Variants in SYNE1 observed in about 807,000 individuals in gnomAD.
SYNE1 encodes the protein nesprin-1.
SYNE1 carries 616 observed loss-of-function variants against 1,111.0 expected under a neutral mutation model. The ratio of observed to expected loss-of-function variants is 0.55; its 90% confidence interval spans 0.52 to 0.59. The LOEUF is 0.59. Among genes scored for constraint, SYNE1 ranks in the 20% least tolerant of loss-of-function variants. The pLI, the probability that SYNE1 is intolerant of heterozygous loss-of-function variation, is 0.00. For synonymous variants in SYNE1, 3,855 were observed against 3,825.8 expected (o/e 1.01, Z -0.28); for missense variants, 10,006 against 10,417.0 (o/e 0.96, Z 1.72).
At position 152,396,880 on chromosome 6, in the gene SYNE1, C is replaced by A. The variant is rs2097739708; in HGVS notation, c.7451G>T (p.Ser2484Ile). The A allele has an allele frequency of 1.2e-6, 2 of 1,614,050 alleles. No individual in the cohort carries two copies. Among genetic ancestry groups the A allele is most frequent in the African/African-American group, 1.3e-5 (1 of 74,942 alleles). The stretch of plus-strand genomic sequence containing the variant: ...GGCCTTTGTGATTTGTTCTTGAATG[C>A]TACTGACAATTTGTTTAGACAAATG... The part of the protein sequence containing the change: ...YAHLSKQIVS[S>I]IQEQITKANE... The change falls in exon 50 of 146, where the codon AGC becomes ATC. Residue 2484 changes from serine (S) to isoleucine (I), a missense_variant. Coordinates refer to ENST00000367255, the MANE Select transcript of SYNE1 (RefSeq NM_182961.4).
At position 152,144,479 on chromosome 6, in the gene SYNE1, AGAGTGT is replaced by A. The variant is rs1255241270; in HGVS notation, c.24977-720_24977-715del. On this transcript the variant is annotated intron_variant, in intron 137 of 145. Coordinates refer to ENST00000367255, the MANE Select transcript of SYNE1 (RefSeq NM_182961.4). ...GTAACATTTCTTTGTAAAATTACTG[AGAGTGT>A]GTGTGTGTGTGTGTGTGTGTGTCAA... The A allele has an allele frequency of 1.2e-3, 128 of 104,186 alleles. 1 individual carries two copies. The highest frequency in any genetic ancestry group is 3.1e-3 in the African/African-American group (99 of 31,712). The allele number at this position is 104,186 out of a possible 1,614,324, so 6.5% of individuals were successfully genotyped here.
At position 152,416,602 on chromosome 6, in the gene SYNE1, C is replaced by A. The variant is rs768287872; in HGVS notation, c.5835G>T (p.Arg1945Ser). 6.2e-7 allele frequency: 1 copy of A among 1,614,102 alleles called. No individual in the cohort carries two copies. Reference protein sequence around the residue: ...YHLKIGSSEQRTSCRATADQL... With the variant: ...YHLKIGSSEQSTSCRATADQL... ...GATCAGCCGTGGCTCTGCAGGAAGT[C>A]CTTTGCTCAGAGCTCCCGATTTTCA... The change falls in exon 41 of 146, where the codon AGG (arginine) becomes AGT (serine). Residue 1945 changes from arginine to serine, a missense_variant. By Grantham distance (110) the Arg-to-Ser change is moderately radical. Transcript: ENST00000367255.
At chr6:152,272,804 T>A (rs2093308262) in intron 98 of SYNE1, among the ~76,000 whole-genome samples, 1 of 152,226 alleles carries the variant, frequency 6.6e-6, no homozygotes, top group Non-Finnish European at 1.5e-5. Context: ...CAAGCCCCAA[T>A]TAAAGAGCAT....
At chr6:152,263,450 G>A (rs556873943) in intron 100 of SYNE1, among the ~76,000 whole-genome samples, 6 of 151,858 alleles carry the variant, frequency 4.0e-5, no homozygotes, top group South Asian at 4.2e-4. Flanking sequence ...GTGTGGACTC[G>A]TGTGATCACA....
In SYNE1 at chr6:152,406,908, A is replaced by G. The variant is rs1327017716; in HGVS notation, c.6723+106T>C. 4.9e-6 allele frequency: 4 copies of G among 822,668 alleles called. No individual in the cohort carries two copies. In the Admixed American group the frequency reaches 1.6e-4, roughly 32 times the overall value. The allele number at this position is 822,668 out of a possible 1,614,324, so 51.0% of individuals were successfully genotyped here. ...ATATAATAATAAAATAAAATAAAAA[A>G]TAAAAGTTAAAAGAAGAATAAACTT... On this transcript the variant is annotated intron_variant, in intron 45 of 145. Transcript: ENST00000367255.
At chr6:152,441,927 T>A (rs1271370830) in intron 31 of SYNE1, 148 bp downstream of exon 31, 1 of 947,152 alleles carries the variant, frequency 1.1e-6, no homozygotes, top group African/African-American at 1.6e-5. Context: ...GCTGATGTGA[T>A]GATTAAAAGA....
At chr6:152,187,475 AG>A (rs2070513604) in intron 128 of SYNE1, among the ~76,000 whole-genome samples, 1 of 152,102 alleles carries the variant, frequency 6.6e-6, no homozygotes, top group Non-Finnish European at 1.5e-5. Context: ...CAGGGACATA[AG>A]AGTAGGGACA....
chr6:152,152,271 T>TAA (rs2060567001), intron 133 of SYNE1, 130 bp from the exon 134 acceptor site: 1 of 825,292 alleles, frequency 1.2e-6, no homozygotes, highest in Non-Finnish European at 2.0e-6. Flanking sequence ...GAATGATGTC[T>TAA]AATAACGGTA....
intron 47 of SYNE1, among the ~76,000 whole-genome samples, chr6:152,400,390 G>A (rs1214652844): frequency 6.6e-6 from 1 of 152,148 alleles, no homozygotes; most frequent in Non-Finnish European, 1.5e-5. Flanking sequence ...TGGGCCAGGT[G>A]TGGTGGCTCA....
chr6:152,165,395 T>A (rs2063446934), intron 130 of SYNE1, among the ~76,000 whole-genome samples: 1 of 152,242 alleles, frequency 6.6e-6, no homozygotes, highest in Non-Finnish European at 1.5e-5. Context: ...TTCCTTTTTG[T>A]CATTTTTCCT....
chr6:152,202,460 CA>C (rs1452719716), intron 126 of SYNE1, among the ~76,000 whole-genome samples: 3 of 149,320 alleles, frequency 2.0e-5, no homozygotes, highest in Non-Finnish European at 4.4e-5. Flanking sequence ...CTGTTGTCAT[CA>C]GAAGAGCTGA....
At chr6:152,626,403 A>G (rs571393296) in intron 3 of SYNE1, among the ~76,000 whole-genome samples, 1 of 152,284 alleles carries the variant, frequency 6.6e-6, no homozygotes, top group East Asian at 1.9e-4. Flanking sequence ...CCATCATTTC[A>G]TAGATGATGT....
chr6:152,465,760 A>AACACACACACACACACACACACAC (rs113781129), intron 17 of SYNE1, among the ~76,000 whole-genome samples: 2 of 133,318 alleles, frequency 1.5e-5, no homozygotes, highest in African/African-American at 5.9e-5. Context: ...CTCTTAGAAG[A>AACACACACACACACACACACACAC]ACACATACAC....
At position 152,481,281 on chromosome 6, in the gene SYNE1, T is replaced by A. The variant is rs182540006; in HGVS notation, c.1350+1804A>T. ...GCACCACAAACGCCTGGACCTCGTC[T>A]GTGCCCCTCACCTGTTGCCCTGGAG... On this transcript the variant is annotated intron_variant, in intron 14 of 145. Transcript: ENST00000367255. 4 of 248,640 alleles carry A rather than the reference T, an allele frequency of 1.6e-5. No individual in the cohort carries two copies. The East Asian group carries it at 3.8e-4, about 24-fold the overall frequency. 15.4% of individuals were successfully genotyped at this position (248,640 alleles called of 1,614,324 possible). A position where few individuals can be genotyped will look rare whatever the true frequency, so the allele number is the denominator to read the frequency against.
chr6:152,168,336 C>A (rs2064193604), intron 130 of SYNE1: 3 of 596,564 alleles, frequency 5.0e-6, no homozygotes, highest in South Asian at 4.1e-5. Flanking sequence ...TAGTCTCTGC[C>A]CGATAACATG....
rs570157105 is a variant in SYNE1 at position 152,449,463 on chromosome 6, G to A, written c.3504+70C>T. ...TCCAGAAAGAAAAAAGCAGAGAACC[G>A]TTAGATTCTCTAACATTATTCTTCC... On this transcript the variant is annotated intron_variant, in intron 28 of 145. Transcript: ENST00000367255. 228 of 1,171,094 alleles carry A rather than the reference G, an allele frequency of 1.9e-4. 1 individual carries two copies. The highest frequency in any genetic ancestry group is 7.9e-4 in the South Asian group (64 of 81,100). The allele number at this position is 1,171,094 out of a possible 1,614,324, so 72.5% of individuals were successfully genotyped here.
intron 3 of SYNE1, among the ~76,000 whole-genome samples, chr6:152,590,566 T>C (rs1458941904): frequency 1.3e-5 from 2 of 152,294 alleles, no homozygotes; most frequent in Admixed American, 1.3e-4. Flanking sequence ...AAGTCCTGTA[T>C]GGTTTCTTGT....
At chr6:152,441,378 T>C in intron 31 of SYNE1, 108 bp from the exon 32 acceptor site, 1 of 1,184,896 alleles carries the variant, frequency 8.4e-7, no homozygotes, top group Non-Finnish European at 1.2e-6. Context: ...TCATTTCAAA[T>C]TTCACACAGT....
chr6:152,500,950 C>CA (rs57436246), intron 10 of SYNE1, among the ~76,000 whole-genome samples: 5,689 of 79,698 alleles, frequency 0.071, 296 homozygotes, highest in African/African-American at 0.18. Context: ...GACTCCATCT[C>CA]AAAAAAAAAA....
Sources: allele counts gnomAD v4.1 joint callset (sites outside exome capture counted in the v4.1 genomes callset), GRCh38; gene constraint gnomAD v4.1.1; transcripts MANE v1.5; gene names NCBI Gene and HGNC (gene_info 2026-07-23, HGNC 2026-07-21).